SIL1: variants seen among roughly 807,000 people sequenced by gnomAD.
SIL1 encodes nucleotide exchange factor SIL1.
In SIL1, 40 loss-of-function variants were observed where a neutral mutation model predicts 49.1. That is an observed-to-expected ratio of 0.81 (90% CI 0.63 to 1.06). The LOEUF (loss-of-function observed/expected upper bound fraction) is 1.06, where lower values mean the gene tolerates loss of function less well. Ranked by LOEUF, SIL1 falls within the 50% of genes least tolerant of loss-of-function variation. The probability of loss-of-function intolerance (pLI) is 0.00; values close to 1 mark genes in which losing one functional copy is unlikely to be tolerated. For synonymous variants in SIL1, 253 were observed against 250.8 expected (o/e 1.01, Z -0.08); for missense variants, 500 against 572.6 (o/e 0.87, Z 1.29).
At chr5:139,110,146 G>A (rs1450115111) in intron 3 of SIL1, among the ~76,000 whole-genome samples, 1 of 150,500 alleles carries the variant, frequency 6.6e-6, no homozygotes, top group Non-Finnish European at 1.5e-5. Context: ...TCCAGCCTGG[G>A]TGACAGAGCA....
At chr5:139,162,051 G>T (rs903889545) in intron 1 of SIL1, among the ~76,000 whole-genome samples, 3 of 151,540 alleles carry the variant, frequency 2.0e-5, no homozygotes, top group Non-Finnish European at 2.9e-5. Flanking sequence ...GGCCTTACCA[G>T]GTGGGCACAC....
chr5:139,110,130 T>C (rs1363933261), intron 3 of SIL1, among the ~76,000 whole-genome samples: 12 of 149,968 alleles, frequency 8.0e-5, no homozygotes, highest in Non-Finnish European at 1.5e-4. Flanking sequence ...GATCACGCCA[T>C]TGCACTCCAG....
intron 3 of SIL1, among the ~76,000 whole-genome samples, chr5:139,066,061 C>T (rs760880872): frequency 1.3e-5 from 2 of 152,174 alleles, no homozygotes; most frequent in African/African-American, 2.4e-5. Flanking sequence ...ACCCAGCCCC[C>T]ACTGAAAAGA....
intron 1 of SIL1, among the ~76,000 whole-genome samples, chr5:139,136,179 C>T (rs1380420667): frequency 2.6e-5 from 4 of 152,152 alleles, no homozygotes; most frequent in Non-Finnish European, 5.9e-5. Flanking sequence ...AATCTGAATG[C>T]TAGAAGTGAG....
chr5:139,126,029 T>A (rs1750745821), intron 2 of SIL1, among the ~76,000 whole-genome samples: 1 of 152,182 alleles, frequency 6.6e-6, no homozygotes, highest in African/African-American at 2.4e-5. Context: ...TTACCTGGAC[T>A]CCAGGCTCTG....
intron 3 of SIL1, among the ~76,000 whole-genome samples, chr5:139,067,617 A>C (rs1439664656): frequency 1.3e-5 from 2 of 152,264 alleles, no homozygotes; most frequent in Non-Finnish European, 2.9e-5. Context: ...AAAAAGGTCC[A>C]TAGGTCTCAT....
At chr5:138,950,466 C>G (rs766875699) in intron 9 of SIL1, among the ~76,000 whole-genome samples, 9 of 152,188 alleles carry the variant, frequency 5.9e-5, no homozygotes, top group Non-Finnish European at 7.3e-5. Context: ...AGGGGCCCAG[C>G]CTCCACCATT....
At chr5:139,104,777 G>T (rs948340695) in intron 3 of SIL1, among the ~76,000 whole-genome samples, 3 of 152,160 alleles carry the variant, frequency 2.0e-5, no homozygotes, top group African/African-American at 7.2e-5. Context: ...TAAGGCCCAG[G>T]CACTCTGCTA....
intron 5 of SIL1, among the ~76,000 whole-genome samples, chr5:139,033,682 T>C (rs1768842450): frequency 1.3e-5 from 2 of 152,110 alleles, no homozygotes; most frequent in Non-Finnish European, 2.9e-5. Context: ...TGAGAGAACA[T>C]ACTCTGCCTA....
At chr5:139,077,906 T>C (rs1440625452) in intron 3 of SIL1, among the ~76,000 whole-genome samples, 2 of 152,176 alleles carry the variant, frequency 1.3e-5, no homozygotes, top group East Asian at 3.8e-4. Flanking sequence ...GGGAGTGGTA[T>C]ACATGATTGT....
At chr5:139,045,308 A>G (rs1401153197) in intron 4 of SIL1, among the ~76,000 whole-genome samples, 2 of 152,142 alleles carry the variant, frequency 1.3e-5, no homozygotes, top group Non-Finnish European at 2.9e-5. Flanking sequence ...TGATTAGGCC[A>G]CTGCACTCCA....
At position 138,994,171 on chromosome 5, in the gene SIL1, A is replaced by G. The variant is rs575487609; in HGVS notation, c.767+27000T>C. On this transcript the variant is annotated intron_variant, in intron 7 of 9. Coordinates refer to ENST00000394817, the MANE Select transcript of SIL1 (RefSeq NM_022464.5). ...TAAAGGTGCTAGACATTGCAATAAGAAAGAGAAATGGAGGATAAAGATTGA... is the reference window on the plus strand; with the variant it reads ...TAAAGGTGCTAGACATTGCAATAAGGAAGAGAAATGGAGGATAAAGATTGA... Among the ~76,000 whole-genome samples, 17 of 152,300 alleles carry G rather than the reference A, an allele frequency of 1.1e-4. No individual in the cohort carries two copies. In the Middle Eastern group the frequency reaches 0.017, roughly 152 times the overall value.
chr5:139,072,874 C>T (rs181517776), intron 3 of SIL1, among the ~76,000 whole-genome samples: 1 of 151,982 alleles, frequency 6.6e-6, no homozygotes, highest in African/African-American at 2.4e-5. Flanking sequence ...AAACAAATAA[C>T]CTGATTTTAA....
At chr5:139,127,508 CA>C (rs1750776873) in intron 2 of SIL1, among the ~76,000 whole-genome samples, 1 of 152,140 alleles carries the variant, frequency 6.6e-6, no homozygotes, top group Non-Finnish European at 1.5e-5. Context: ...AATTTATCAT[CA>C]TCATCATATT....
intron 1 of SIL1, among the ~76,000 whole-genome samples, chr5:139,193,898 A>G (rs1392342991): frequency 3.3e-5 from 5 of 152,212 alleles, no homozygotes; most frequent in African/African-American, 1.2e-4. Context: ...ACCAAGAAAC[A>G]CAGTGGTTGT....
Position 139,035,664 on chromosome 5 carries a change from T to G in SIL1, c.453+6956A>C. On this transcript the variant is annotated intron_variant, in intron 5 of 9. Transcript: ENST00000394817. Reference sequence around the variant, plus strand: ...CAACTTTTTTTTTTTTTTTTTTTTTTTTTGAGATGGACTCCTGCTCAGTCG... The same window carrying G: ...CAACTTTTTTTTTTTTTTTTTTTTTGTTTGAGATGGACTCCTGCTCAGTCG... 7 of 276,132 alleles carry G rather than the reference T, an allele frequency of 2.5e-5. No individual in the cohort carries two copies. The South Asian group carries it at 2.6e-4, about 10-fold the overall frequency. 17.1% of individuals were successfully genotyped at this position (276,132 alleles called of 1,614,324 possible). A position where few individuals can be genotyped will look rare whatever the true frequency, so the allele number is the denominator to read the frequency against.
At chr5:138,951,127 A>G (rs1382271492) in intron 9 of SIL1, 44 bp downstream of exon 9, 13 of 1,599,792 alleles carry the variant, frequency 8.1e-6, no homozygotes, top group Non-Finnish European at 1.1e-5. Flanking sequence ...CCAGAAGCAC[A>G]CACAAAGCAA....
intron 7 of SIL1, among the ~76,000 whole-genome samples, chr5:138,954,603 G>A (rs959314650): frequency 6.6e-6 from 1 of 152,254 alleles, no homozygotes; most frequent in African/African-American, 2.4e-5. Context: ...GTCCATCCAG[G>A]CAGGGCCAGT....
In SIL1 at chr5:139,167,002, C is replaced by T. The variant is rs1448550298; in HGVS notation, c.-11+31267G>A. 2.0e-5 allele frequency among the ~76,000 whole-genome samples: 3 copies of T among 151,862 alleles called. No homozygotes were observed. In the East Asian group the frequency reaches 5.8e-4, roughly 29 times the overall value. On this transcript the variant is annotated intron_variant, in intron 1 of 9. Coordinates refer to ENST00000394817, the MANE Select transcript of SIL1 (RefSeq NM_022464.5). Reference sequence around the variant, plus strand: ...TATTTTTTTGTATTTTTAGTAGAGACGGGGTTTCACCGTGTTAGCCAGGAT... The same window carrying T: ...TATTTTTTTGTATTTTTAGTAGAGATGGGGTTTCACCGTGTTAGCCAGGAT...
Sources: allele counts gnomAD v4.1 joint callset (sites outside exome capture counted in the v4.1 genomes callset), GRCh38; gene constraint gnomAD v4.1.1; transcripts MANE v1.5; gene names NCBI Gene and HGNC (gene_info 2026-07-23, HGNC 2026-07-21).